The following ACADM variants were observed in gnomAD, a reference collection of about 807,000 sequenced individuals.
ACADM encodes the protein medium-chain specific acyl-CoA dehydrogenase, mitochondrial.
A neutral mutation model predicts 58.9 loss-of-function variants in ACADM; 49 were observed. That is an observed-to-expected ratio of 0.83 (90% CI 0.66 to 1.06). The LOEUF (loss-of-function observed/expected upper bound fraction) is 1.06. ACADM is among the 50% of genes least tolerant of loss of function. The probability of loss-of-function intolerance (pLI) is 0.00; values close to 1 mark genes in which losing one functional copy is unlikely to be tolerated. For missense variants in ACADM, 496 were observed against 507.0 expected, an observed-to-expected ratio of 0.98 and a Z score of 0.21; for synonymous variants, 160 against 157.7, an observed-to-expected ratio of 1.01 and a Z score of -0.11.
chr1:75,745,791 A>G lies in ACADM; in HGVS notation c.600-15A>G. The G allele has an allele frequency of 1.3e-6, 2 of 1,561,080 alleles. No individual in the cohort carries two copies. Among genetic ancestry groups the G allele is most frequent in the South Asian group, 2.2e-5 (2 of 89,972 alleles). On this transcript the variant is annotated splice_polypyrimidine_tract_variant and intron_variant, in intron 7 of 11. Transcript: ENST00000370841. The stretch of plus-strand genomic sequence containing the variant: ...GCCGATATTATCACCATTATCCGGT[A>G]TGTGTATCTCTTAGGTATTTTTTAT...
intron 2 of ACADM, among the ~76,000 whole-genome samples, 200 bp downstream of exon 2, chr1:75,728,688 T>G (rs1647094439): frequency 6.6e-6 from 1 of 152,234 alleles, no homozygotes. Flanking sequence ...CACTGTACAT[T>G]AGATCTGTTT....
intron 1 of ACADM, among the ~76,000 whole-genome samples, chr1:75,725,221 C>T (rs1297671494): frequency 2.7e-5 from 4 of 150,258 alleles, no homozygotes; most frequent in African/African-American, 9.9e-5. Flanking sequence ...TTCGTTGTAA[C>T]GTTTCCACGT....
At chr1:75,728,862 T>C (rs943334981) in intron 2 of ACADM, among the ~76,000 whole-genome samples, 2 of 152,216 alleles carry the variant, frequency 1.3e-5, no homozygotes, top group Non-Finnish European at 2.9e-5. Flanking sequence ...TGCCTGGTAA[T>C]AAGCTAAAGC....
chr1:75,733,709 A>AG (rs757972417), intron 5 of ACADM, 81 bp downstream of exon 5: 1 of 1,188,368 alleles, frequency 8.4e-7, no homozygotes. Flanking sequence ...GATTTTTAGA[A>AG]GAAAAAAAAA....
At chr1:75,729,245 TTACC>T (rs1311951413) in intron 2 of ACADM, among the ~76,000 whole-genome samples, 1 of 146,168 alleles carries the variant, frequency 6.8e-6, no homozygotes, top group Non-Finnish European at 1.5e-5. Flanking sequence ...TTTTTTTTTC[TTACC>T]AGAATTTAAT....
chr1:75,758,024 A>G (rs1648606846), intron 10 of ACADM, among the ~76,000 whole-genome samples: 1 of 152,116 alleles, frequency 6.6e-6, no homozygotes, highest in Non-Finnish European at 1.5e-5. Flanking sequence ...CACATTTACC[A>G]GTTTATTAGG....
At chr1:75,760,544 C>CAAA (rs59063908) in intron 10 of ACADM, among the ~76,000 whole-genome samples, 362 of 35,476 alleles carry the variant, frequency 0.01, 80 homozygotes, top group East Asian at 0.033. Flanking sequence ...GACCCTGTCT[C>CAAA]AAAAAAAAAA....
chr1:75,743,932 G>A (rs1037772689), intron 7 of ACADM: 24 of 1,514,232 alleles, frequency 1.6e-5, no homozygotes, highest in African/African-American at 2.7e-5. Flanking sequence ...CACAGATGCC[G>A]ACATGAAGCC....
At chr1:75,750,863 C>A in intron 10 of ACADM, 1 of 393,534 alleles carries the variant, frequency 2.5e-6, no homozygotes, top group Non-Finnish European at 4.8e-6. Context: ...ATTCTCCTGC[C>A]TCAGCCTCCC....
Position 75,732,685 on chromosome 1 carries a change from A to C in ACADM, c.160A>C (p.Lys54Gln). ...GAAAGAATTTCAAGCTACTGCTCGT[A>C]AATTTGCCAGAGAGGAAATCATCCC... ...QQKEFQATAR[K>Q]FAREEIIPVA... Residue 54 changes from lysine to glutamine, a missense_variant, in exon 3 of 12, where the codon AAA becomes CAA. Lys to Gln is a moderately conservative substitution (Grantham distance 53). Coordinates refer to ENST00000370841, the MANE Select transcript of ACADM (RefSeq NM_000016.6). 6.2e-7 allele frequency: 1 copy of C among 1,614,072 alleles called. No homozygotes were observed. Among genetic ancestry groups the C allele is most frequent in the East Asian group, 2.2e-5 (1 of 44,840 alleles).
At position 75,728,400 on chromosome 1, in the gene ACADM, G is replaced by T; in HGVS notation, c.31-1G>T. The T allele has an allele frequency of 6.2e-7, 1 of 1,610,752 alleles. No homozygotes were observed. The highest frequency in any genetic ancestry group is 8.5e-7 in the Non-Finnish European group (1 of 1,177,770). ...TATTTTAATAAAAGTGTTCTTTACA[G>T]GTCCTGAGAAGTATTTCTCGTTTTC... is the stretch of plus-strand genomic sequence containing the variant. On this transcript the variant is annotated splice_acceptor_variant, in intron 1 of 11. Coordinates refer to ENST00000370841, the MANE Select transcript of ACADM (RefSeq NM_000016.6). LOFTEE classifies it high-confidence loss of function.
chr1:75,744,583 AC>A, intron 7 of ACADM: 1 of 1,342,868 alleles, frequency 7.4e-7, no homozygotes, highest in Non-Finnish European at 1.1e-6. Flanking sequence ...ATACTTGCAT[AC>A]AGTTGTAGTT....
At chr1:75,751,026 C>T (rs936901627) in intron 10 of ACADM, 4 of 177,406 alleles carry the variant, frequency 2.3e-5, no homozygotes, top group Admixed American at 5.5e-5. Context: ...CCACTGGGCC[C>T]GGCCTTGTGC....
chr1:75,729,060 A>AT (rs1372504768), intron 2 of ACADM, among the ~76,000 whole-genome samples: 2 of 151,908 alleles, frequency 1.3e-5, no homozygotes, highest in South Asian at 4.2e-4. Flanking sequence ...CAAAATTTTT[A>AT]TTTTTTCTCT....
At chr1:75,730,706 T>A (rs1223296751) in intron 2 of ACADM, among the ~76,000 whole-genome samples, 1 of 152,054 alleles carries the variant, frequency 6.6e-6, no homozygotes, top group Non-Finnish European at 1.5e-5. Context: ...TTTAAATGTT[T>A]TGTTGAGACA....
rs1648933778 is a variant in ACADM, at chr1:75,762,908, C to T, written c.*145C>T. 6 of 594,558 alleles carry T rather than the reference C, an allele frequency of 1.0e-5. No homozygotes were observed. The South Asian group carries it at 1.0e-4, about 10-fold the overall frequency. The allele number at this position is 594,558 out of a possible 1,614,324, so 36.8% of individuals were successfully genotyped here. ...CAACTGCTTATTATAGTAGTTTATA[C>T]TTTTGCTTAACTCTGTTATGTCTCT... On this transcript the variant is annotated 3_prime_UTR_variant, in exon 12 of 12. Coordinates refer to ENST00000370841, the MANE Select transcript of ACADM (RefSeq NM_000016.6).
intron 4 of ACADM, chr1:75,733,280 TA>T (rs1462913583): frequency 1.4e-5 from 19 of 1,355,812 alleles, no homozygotes; most frequent in Non-Finnish European, 1.9e-5. Flanking sequence ...AATTGAGTTT[TA>T]ACAAAATCAA....
chr1:75,734,935 T>C, intron 6 of ACADM, 64 bp downstream of exon 6: 1 of 1,227,404 alleles, frequency 8.1e-7, no homozygotes, highest in South Asian at 1.2e-5. Flanking sequence ...CTATTTCTCC[T>C]TTTCAGTCTA....
intron 10 of ACADM, among the ~76,000 whole-genome samples, chr1:75,756,897 A>G (rs1259568011): frequency 2.6e-5 from 4 of 152,240 alleles, no homozygotes; most frequent in Non-Finnish European, 5.9e-5. Flanking sequence ...GCCCTTGGAA[A>G]TAATACCACA....
Sources: gnomAD v4.1 joint callset for allele counts (sites outside exome capture counted in the v4.1 genomes callset) on GRCh38, gnomAD v4.1.1 for gene constraint, MANE v1.5 for transcripts, NCBI Gene and HGNC (gene_info 2026-07-23, HGNC 2026-07-21) for gene names.